The following MAPKAPK3 variants were observed in gnomAD, a reference collection of about 807,000 sequenced individuals.
MAPKAPK3 encodes MAP kinase-activated protein kinase 3.
Under a neutral mutation model 49.2 loss-of-function variants are expected in MAPKAPK3, and 35 were observed. The ratio of observed to expected loss-of-function variants is 0.71; its 90% CI spans 0.54 to 0.94. The LOEUF is 0.94. Ranked by LOEUF, MAPKAPK3 falls within the 40% of genes least tolerant of loss-of-function variation. The pLI, the probability that MAPKAPK3 is intolerant of heterozygous loss-of-function variation, is 0.00. For missense variants in MAPKAPK3, 398 were observed against 493.1 expected (o/e 0.81, Z 1.83); for synonymous variants, 178 against 188.7 (o/e 0.94, Z 0.46).
At chr3:50,638,727 C>T (rs1159812819) in intron 2 of MAPKAPK3, among the ~76,000 whole-genome samples, 4 of 152,234 alleles carry the variant, frequency 2.6e-5, no homozygotes, top group Non-Finnish European at 4.4e-5. Flanking sequence ...TGCCCTGACC[C>T]AGTTTGTCTT....
upstream of MAPKAPK3, chr3:50,614,202 TCTC>T (rs2032405550): frequency 6.6e-6 from 1 of 152,178 alleles, no homozygotes; most frequent in East Asian, 1.9e-4. Context: ...AGTACTTAAT[TCTC>T]CTGCCCTGGC....
At chr3:50,643,666 C>T (rs777444276) in intron 5 of MAPKAPK3, among the ~76,000 whole-genome samples, 86 of 152,264 alleles carry the variant, frequency 5.6e-4, no homozygotes, top group East Asian at 5.8e-4. Context: ...TAGACTAAAA[C>T]TGCTTCTCTG....
chr3:50,646,703 A>T, intron 8 of MAPKAPK3, 37 bp from the exon 9 acceptor site: 2 of 1,416,536 alleles, frequency 1.4e-6, no homozygotes, highest in African/African-American at 1.4e-5. Context: ...CTGGCTCTGC[A>T]ATCTCATCTC....
chr3:50,641,339 G>A, intron 3 of MAPKAPK3, among the ~76,000 whole-genome samples: 1 of 152,176 alleles, frequency 6.6e-6, no homozygotes, highest in South Asian at 2.1e-4. Flanking sequence ...GGTGCCCAGA[G>A]AACAGTGGTC....
intron 5 of MAPKAPK3, among the ~76,000 whole-genome samples, chr3:50,643,094 C>T (rs943684143): frequency 1.4e-4 from 21 of 152,140 alleles, no homozygotes; most frequent in South Asian, 8.3e-4. Context: ...TTAGGTAATC[C>T]GCCCGCCTCG....
chr3:50,636,548 G>A (rs1355239389), intron 2 of MAPKAPK3, among the ~76,000 whole-genome samples: 5 of 152,200 alleles, frequency 3.3e-5, no homozygotes, highest in Non-Finnish European at 7.3e-5. Flanking sequence ...ATGGAAGTTT[G>A]GGTCCCAAGG....
In MAPKAPK3 at chr3:50,648,104, TCAGGCCCTGGCCAGGAGGGCC is replaced by T; in HGVS notation, c.*63_*83del. On this transcript the variant is annotated 3_prime_UTR_variant, in exon 11 of 11. Coordinates refer to ENST00000621469, the MANE Select transcript of MAPKAPK3 (RefSeq NM_001243925.2). Reference sequence around the variant, plus strand: ...GCCTGCATAACAGACTGAAATGTGCTCAGGCCCTGGCCAGGAGGGCCCAGGGTCATTCTTTTAACAAAAGGA... The same window carrying T: ...GCCTGCATAACAGACTGAAATGTGCTCAGGGTCATTCTTTTAACAAAAGGA... 1 of 1,546,498 alleles carries T rather than the reference TCAGGCCCTGGCCAGGAGGGCC, an allele frequency of 6.5e-7. No individual in the cohort carries two copies. The highest frequency in any genetic ancestry group is 8.7e-7 in the Non-Finnish European group (1 of 1,144,060).
In MAPKAPK3 at chr3:50,646,212, C is replaced by T. The variant is rs760847628; in HGVS notation, c.777C>T (p.Arg259=). Residue 259 remains arginine, a synonymous_variant, in exon 8 of 11, where the codon CGC becomes CGT. Transcript: ENST00000621469. ...AISPGMKRRI[R]LGQYGFPNPE... is the part of the protein sequence containing the mutation. ...CCCCGGGGATGAAGAGGAGGATTCG[C>T]CTGGGCCAGTACGGCTTCCCCAATC... The T allele has an allele frequency of 3.1e-6, 5 of 1,614,184 alleles. No homozygotes were observed. The South Asian group carries it at 5.5e-5, about 18-fold the overall frequency.
intron 2 of MAPKAPK3, among the ~76,000 whole-genome samples, chr3:50,621,846 G>A (rs1466158531): frequency 6.6e-6 from 1 of 152,192 alleles, no homozygotes; most frequent in Non-Finnish European, 1.5e-5. Context: ...CTGCCCCTGT[G>A]TTATGGACTG....
chr3:50,617,342 G>A, intron 1 of MAPKAPK3, 101 bp downstream of exon 1: 1 of 468,150 alleles, frequency 2.1e-6, no homozygotes, highest in Non-Finnish European at 3.8e-6. Context: ...GGCGGTGCTC[G>A]CTTGTACCCC....
intron 2 of MAPKAPK3, among the ~76,000 whole-genome samples, chr3:50,619,251 C>T (rs1186898688): frequency 6.6e-6 from 1 of 152,150 alleles, no homozygotes; most frequent in Non-Finnish European, 1.5e-5. Context: ...AGCATCTGAG[C>T]AGGGAGCTGG....
intron 2 of MAPKAPK3, among the ~76,000 whole-genome samples, chr3:50,626,082 C>CA (rs748224040): frequency 1.3e-5 from 2 of 151,748 alleles, no homozygotes; most frequent in Non-Finnish European, 2.9e-5. Context: ...CCCCCGCCAC[C>CA]CCCCCATGGC....
chr3:50,641,719 T>C lies in MAPKAPK3; in HGVS notation c.372T>C (p.Gly124=). ...LLIIMECMEG[G]ELFSRIQERG... ...ACCTCTTTTACAGCATGGAAGGTGG[T>C]GAGTTGTTCAGCAGGATTCAGGAGC... Residue 124 remains glycine (G), a synonymous_variant, in exon 4 of 11, where the codon GGT becomes GGC. Coordinates refer to ENST00000621469, the MANE Select transcript of MAPKAPK3 (RefSeq NM_001243925.2). 2 of 1,613,870 alleles carry C rather than the reference T, an allele frequency of 1.2e-6. No individual in the cohort carries two copies. The highest frequency in any genetic ancestry group is 1.7e-6 in the Non-Finnish European group (2 of 1,179,820).
At chr3:50,637,664 A>G (rs1321696448) in intron 2 of MAPKAPK3, among the ~76,000 whole-genome samples, 3 of 146,318 alleles carry the variant, frequency 2.1e-5, no homozygotes, top group African/African-American at 7.5e-5. Flanking sequence ...AAAGAAAAAA[A>G]GGTGCTGGGA....
In MAPKAPK3 at chr3:50,648,059, T is replaced by G; in HGVS notation, c.*13T>G. The stretch of plus-strand genomic sequence containing the variant: ...CAACAACCAGTAGCTCATGGGGCCT[T>G]GGAGGAGCCTGGCCTCTCAGCCTGC... On this transcript the variant is annotated 3_prime_UTR_variant, in exon 11 of 11. Transcript: ENST00000621469. The G allele has an allele frequency of 6.2e-7, 1 of 1,608,178 alleles. No homozygotes were observed. The highest frequency in any genetic ancestry group is 2.2e-5 in the East Asian group (1 of 44,876).
chr3:50,637,713 G>T (rs1396424335), intron 2 of MAPKAPK3, among the ~76,000 whole-genome samples: 1 of 151,108 alleles, frequency 6.6e-6, no homozygotes, highest in East Asian at 1.9e-4. Context: ...GAGAGAGAGA[G>T]AGAGAGAGAG....
upstream of MAPKAPK3, among the ~76,000 whole-genome samples, chr3:50,615,439 G>C (rs2032444039): frequency 6.6e-6 from 1 of 152,182 alleles, no homozygotes; most frequent in Non-Finnish European, 1.5e-5. Flanking sequence ...ATGTGTGAGA[G>C]TATGTTTGCA....
Position 50,617,563 on chromosome 3 carries a change from G to C in MAPKAPK3, c.-3G>C. On this transcript the variant is annotated 5_prime_UTR_variant, in exon 2 of 11. Coordinates refer to ENST00000621469, the MANE Select transcript of MAPKAPK3 (RefSeq NM_001243925.2). ...GGCCGCCTCTGAGCGCCCCGCGGGG[G>C]CCATGGATGGTGAAACAGCAGAGGA... 1 of 1,489,548 alleles carries C rather than the reference G, an allele frequency of 6.7e-7. No individual in the cohort carries two copies. The highest frequency in any genetic ancestry group is 9.3e-7 in the Non-Finnish European group (1 of 1,074,142). 92.3% of individuals were successfully genotyped at this position (1,489,548 alleles called of 1,614,324 possible). A position where few individuals can be genotyped will look rare whatever the true frequency, so the allele number is the denominator to read the frequency against.
chr3:50,614,500 A>AGTGTGTGTGTGTGTGT (rs3066739), upstream of MAPKAPK3, among the ~76,000 whole-genome samples: 312 of 138,934 alleles, frequency 2.2e-3, 6 homozygotes, highest in African/African-American at 7.4e-3. Context: ...GTAAGGACAG[A>AGTGTGTGTGTGTGTGT]GTGTGTGTGT....
Sources: gnomAD v4.1 joint callset for allele counts (sites outside exome capture counted in the v4.1 genomes callset) on GRCh38, gnomAD v4.1.1 for gene constraint, MANE v1.5 for transcripts, NCBI Gene and HGNC (gene_info 2026-07-23, HGNC 2026-07-21) for gene names.